GABRG3: variants seen among roughly 807,000 people sequenced by gnomAD.
GABRG3 encodes the protein gamma-aminobutyric acid type A receptor subunit gamma3, also known as gamma-aminobutyric acid receptor subunit gamma-3.
In GABRG3, 25 loss-of-function variants were observed where a neutral mutation model predicts 48.8. That is an observed-to-expected ratio of 0.51 (90% CI 0.37 to 0.72). GABRG3 has a LOEUF of 0.72. Ranked by LOEUF, GABRG3 falls within the 30% of genes least tolerant of loss-of-function variation. GABRG3 has a pLI of 0.00. For missense variants in GABRG3, 394 were observed against 577.9 expected, an observed-to-expected ratio of 0.68 and a Z score of 3.26; for synonymous variants, 227 against 217.6, an observed-to-expected ratio of 1.04 and a Z score of -0.38.
intron 3 of GABRG3, among the ~76,000 whole-genome samples, chr15:27,252,055 T>C (rs1381121322): frequency 6.6e-6 from 1 of 152,206 alleles, no homozygotes; most frequent in Non-Finnish European, 1.5e-5. Context: ...AGGGGATCTG[T>C]CATTATTTGT....
intron 7 of GABRG3, among the ~76,000 whole-genome samples, chr15:27,521,039 G>C (rs535617258): frequency 1.3e-5 from 2 of 151,920 alleles, no homozygotes; most frequent in African/African-American, 2.4e-5. Flanking sequence ...CACAGATTTC[G>C]TGACTAACCC....
intron 3 of GABRG3, among the ~76,000 whole-genome samples, chr15:27,074,372 C>T (rs1441231626): frequency 6.6e-6 from 1 of 152,094 alleles, no homozygotes; most frequent in Non-Finnish European, 1.5e-5. Context: ...AGGTGGATAT[C>T]ACAGTCATAA....
chr15:27,273,296 C>T (rs146556638), intron 3 of GABRG3, among the ~76,000 whole-genome samples: 337 of 152,272 alleles, frequency 2.2e-3, no homozygotes, highest in African/African-American at 7.7e-3. Context: ...GTTCAGGCTA[C>T]AGCAAAGAAA....
At position 27,307,572 on chromosome 15, in the gene GABRG3, TATAAACA is replaced by T. The variant is rs1299009454; in HGVS notation, c.271-19236_271-19230del. Among the ~76,000 whole-genome samples the T allele has an allele frequency of 1.2e-3, 104 of 85,330 alleles. 3 individuals are homozygous for T. The highest frequency in any genetic ancestry group is 3.9e-3 in the African/African-American group (97 of 24,660). 56.0% of individuals were successfully genotyped at this position (85,330 alleles called of 152,430 possible). A position where few individuals can be genotyped will look rare whatever the true frequency, so the allele number is the denominator to read the frequency against. On this transcript the variant is annotated intron_variant, in intron 3 of 9. Coordinates refer to ENST00000615808, the MANE Select transcript of GABRG3 (RefSeq NM_033223.5). ...AGGTTTATAGGTTTATATATTTATA[TATAAACA>T]GGTTTATAGGTTTATATATTTATAT...
intron 5 of GABRG3, among the ~76,000 whole-genome samples, chr15:27,464,676 C>G (rs1889549683): frequency 6.6e-6 from 1 of 152,154 alleles, no homozygotes; most frequent in Non-Finnish European, 1.5e-5. Context: ...GAAGTGATAT[C>G]TTGTACTATT....
At chr15:27,088,205 CGTTT>C (rs1897116313) in intron 3 of GABRG3, among the ~76,000 whole-genome samples, 1 of 132,940 alleles carries the variant, frequency 7.5e-6, no homozygotes, top group Non-Finnish European at 1.6e-5. Flanking sequence ...GGCGGGCTCA[CGTTT>C]GTTAGATGGG....
chr15:27,454,804 C>T (rs1889214156), intron 5 of GABRG3, among the ~76,000 whole-genome samples: 1 of 152,182 alleles, frequency 6.6e-6, no homozygotes. Context: ...AAAGAAACTT[C>T]AGTGTCAACA....
In GABRG3 at chr15:27,535,157, C is replaced by T. The variant is rs985480076; in HGVS notation, c.*2276C>T. The T allele has an allele frequency of 6.6e-6, 1 of 152,158 alleles. No homozygotes were observed. The allele number at this position is 152,158 out of a possible 1,614,324, so 9.4% of individuals were successfully genotyped here. ...CAAGGGAAGGTGGCCCAAGGGCAGT[C>T]TTAAGACACAATGTCAAACGTTATG... On this transcript the variant is annotated 3_prime_UTR_variant, in exon 10 of 10. Coordinates refer to ENST00000615808, the MANE Select transcript of GABRG3 (RefSeq NM_033223.5).
intron 3 of GABRG3, chr15:27,271,743 T>A (rs1175587501): frequency 2.4e-6 from 1 of 421,054 alleles, no homozygotes; most frequent in Non-Finnish European, 4.8e-6. Context: ...CAATGCACCT[T>A]AGATCAGGAG....
intron 5 of GABRG3, among the ~76,000 whole-genome samples, chr15:27,388,376 GGAAGGAAGGAA>G (rs1896108413): frequency 7.3e-6 from 1 of 136,940 alleles, no homozygotes; most frequent in Non-Finnish European, 1.6e-5. Flanking sequence ...AAGAAAGGAA[GGAAGGAAGGAA>G]AGGAGGGAGG....
At chr15:27,445,104 C>T (rs1888904681) in intron 5 of GABRG3, among the ~76,000 whole-genome samples, 1 of 152,152 alleles carries the variant, frequency 6.6e-6, no homozygotes, top group Admixed American at 6.5e-5. Context: ...AACTCCTGAC[C>T]TGAGGTGATC....
At chr15:27,133,570 T>C (rs1321862420) in intron 3 of GABRG3, among the ~76,000 whole-genome samples, 1 of 152,246 alleles carries the variant, frequency 6.6e-6, no homozygotes, top group Non-Finnish European at 1.5e-5. Context: ...AGGCTCCTAC[T>C]GACATGTTTT....
chr15:26,997,938 TA>T (rs1895370661), intron 2 of GABRG3, among the ~76,000 whole-genome samples: 1 of 152,234 alleles, frequency 6.6e-6, no homozygotes, highest in East Asian at 1.9e-4. Context: ...TGGGTCAGGG[TA>T]ACTTATTGTT....
intron 3 of GABRG3, among the ~76,000 whole-genome samples, chr15:27,320,304 A>T (rs1012511301): frequency 2.0e-5 from 3 of 152,096 alleles, no homozygotes; most frequent in Non-Finnish European, 2.9e-5. Context: ...GGCTAAGGGG[A>T]TGCTTTCCAA....
rs1272262914 is a variant in GABRG3, at chr15:27,179,559, G to GCTTA, written c.271-147250_271-147249insCTTA. On this transcript the variant is annotated intron_variant, in intron 3 of 9. Coordinates refer to ENST00000615808, the MANE Select transcript of GABRG3 (RefSeq NM_033223.5). The surrounding 1 kb of genome is among the most constrained non-coding windows in gnomAD (Gnocchi z 4.0). ...GGTAGAGTATGAAAACTTTAAGCAA[G>GCTTA]AACTACCCAAGTGAGCAGTTTCCAG... is the stretch of plus-strand genomic sequence containing the variant. Among the ~76,000 whole-genome samples the GCTTA allele has an allele frequency of 3.9e-5, 6 of 152,136 alleles. No homozygotes were observed. The highest frequency in any genetic ancestry group is 1.4e-4 in the African/African-American group (6 of 41,438).
rs1891469807 is a variant in GABRG3 at position 27,533,120 on chromosome 15, C to T, written c.*239C>T. On this transcript the variant is annotated 3_prime_UTR_variant, in exon 10 of 10. Transcript: ENST00000615808. ...TTTTAAAGTAATATTCTTGCTAATCCCTACTGAATTGTAGCTTGGTGTTGT... is the reference window on the plus strand; with the variant it reads ...TTTTAAAGTAATATTCTTGCTAATCTCTACTGAATTGTAGCTTGGTGTTGT... 2.2e-6 allele frequency: 1 copy of T among 447,804 alleles called. No homozygotes were observed. Among genetic ancestry groups the T allele is most frequent in the Non-Finnish European group, 4.0e-6 (1 of 251,392 alleles). The allele number at this position is 447,804 out of a possible 1,614,324, so 27.7% of individuals were successfully genotyped here.
At chr15:27,292,036 T>C (rs894294397) in intron 3 of GABRG3, among the ~76,000 whole-genome samples, 17 of 152,120 alleles carry the variant, frequency 1.1e-4, no homozygotes, top group African/African-American at 4.1e-4. Context: ...GAACATGTGG[T>C]GTTTGGTTTT....
chr15:27,428,229 G>A (rs756637359), intron 5 of GABRG3: 1 of 152,130 alleles, frequency 6.6e-6, no homozygotes, highest in Non-Finnish European at 1.5e-5. Flanking sequence ...CCCTTAAAAT[G>A]TGAGTTTTAG....
chr15:27,453,368 T>G lies in GABRG3; in HGVS notation c.575-27282T>G, dbSNP rs537015787. On this transcript the variant is annotated intron_variant, in intron 5 of 9. Coordinates refer to ENST00000615808, the MANE Select transcript of GABRG3 (RefSeq NM_033223.5). The stretch of plus-strand genomic sequence containing the variant: ...CTTAATTATGGGAATGATTTTGCAA[T>G]GTATATCAAAATCTCAAGTTATACA... Among the ~76,000 whole-genome samples the G allele has an allele frequency of 2.0e-5, 3 of 152,332 alleles. No individual in the cohort carries two copies. In the East Asian group the frequency reaches 5.8e-4, roughly 29 times the overall value.
Sources: gnomAD v4.1 joint callset for allele counts (sites outside exome capture counted in the v4.1 genomes callset) on GRCh38, gnomAD v4.1.1 for gene constraint, Gnocchi (gnomAD v3.1) non-coding constraint, MANE v1.5 for transcripts, NCBI Gene and HGNC (gene_info 2026-07-23, HGNC 2026-07-21) for gene names.